Variants in BRINP3 observed in about 807,000 individuals in gnomAD.
BRINP3 encodes the protein BMP/retinoic acid inducible neural specific 3, also known as BMP/retinoic acid-inducible neural-specific protein 3.
BRINP3 carries 19 observed loss-of-function variants against 71.0 expected under a neutral mutation model. That is an observed-to-expected ratio of 0.27 (90% confidence interval 0.19 to 0.39). BRINP3 has a LOEUF of 0.39. Ranked by LOEUF, BRINP3 falls within the 10% of genes least tolerant of loss-of-function variation. The pLI, the probability that BRINP3 is intolerant of heterozygous loss-of-function variation, is 1.00. For missense variants in BRINP3, 959 were observed against 940.8 expected, an observed-to-expected ratio of 1.02 and a Z score of -0.25; for synonymous variants, 380 against 337.7, an observed-to-expected ratio of 1.13 and a Z score of -1.37.
chr1:190,223,989 G>GAA (rs1317645027), intron 6 of BRINP3, among the ~76,000 whole-genome samples: 4 of 151,420 alleles, frequency 2.6e-5, no homozygotes, highest in Non-Finnish European at 5.9e-5. Flanking sequence ...AAAAGTACAA[G>GAA]AAAACACACA....
At chr1:190,370,107 T>C (rs1669761730) in intron 2 of BRINP3, among the ~76,000 whole-genome samples, 1 of 152,172 alleles carries the variant, frequency 6.6e-6, no homozygotes, top group Non-Finnish European at 1.5e-5. Context: ...ACTGCAAGAA[T>C]GATTCTAAAT....
chr1:190,395,177 T>A (rs1671491182), intron 2 of BRINP3, among the ~76,000 whole-genome samples: 1 of 151,768 alleles, frequency 6.6e-6, no homozygotes, highest in Non-Finnish European at 1.5e-5. Flanking sequence ...ATCAGAAGCA[T>A]ATTTTGAATT....
chr1:190,197,690 C>A (rs778974354), intron 6 of BRINP3, among the ~76,000 whole-genome samples: 3 of 152,154 alleles, frequency 2.0e-5, no homozygotes, highest in South Asian at 2.1e-4. Flanking sequence ...TAGCCTTGGG[C>A]AGCTCCACCT....
chr1:190,441,143 GA>G (rs542437106), intron 2 of BRINP3, among the ~76,000 whole-genome samples: 16 of 147,848 alleles, frequency 1.1e-4, no homozygotes, highest in Middle Eastern at 3.6e-3. Context: ...AGAGAAGCTA[GA>G]AAAAAAAAAC....
intron 2 of BRINP3, among the ~76,000 whole-genome samples, chr1:190,284,705 A>G (rs1395728228): frequency 6.6e-6 from 1 of 151,982 alleles, no homozygotes; most frequent in East Asian, 1.9e-4. Flanking sequence ...TCACCTTCTA[A>G]TATTTCAAAT....
intron 6 of BRINP3, among the ~76,000 whole-genome samples, chr1:190,171,313 T>G (rs1230985980): frequency 6.6e-6 from 1 of 152,186 alleles, no homozygotes; most frequent in Non-Finnish European, 1.5e-5. Context: ...CAACATCTAA[T>G]GGAGAGAGAA....
At chr1:190,304,284 C>G (rs1664940662) in intron 2 of BRINP3, among the ~76,000 whole-genome samples, 1 of 151,674 alleles carries the variant, frequency 6.6e-6, no homozygotes, top group Admixed American at 6.6e-5. Flanking sequence ...ATAAACATAT[C>G]CCTAGGTAGC....
At chr1:190,415,849 G>A (rs1672974377) in intron 2 of BRINP3, among the ~76,000 whole-genome samples, 1 of 152,206 alleles carries the variant, frequency 6.6e-6, no homozygotes, top group African/African-American at 2.4e-5. Context: ...AATGCAGTGA[G>A]TGAACTATAA....
intron 2 of BRINP3, among the ~76,000 whole-genome samples, chr1:190,412,563 C>T (rs1672758278): frequency 1.4e-5 from 2 of 146,814 alleles, no homozygotes; most frequent in Non-Finnish European, 3.0e-5. Context: ...CCCGGGTTCA[C>T]GCCATTCTCC....
chr1:190,230,597 A>C (rs1217609485), intron 5 of BRINP3, among the ~76,000 whole-genome samples: 1 of 151,880 alleles, frequency 6.6e-6, no homozygotes, highest in Non-Finnish European at 1.5e-5. Flanking sequence ...TTGGTAACTA[A>C]TACATCTTTT....
intron 2 of BRINP3, among the ~76,000 whole-genome samples, chr1:190,401,708 A>C (rs1558253464): frequency 1.3e-5 from 2 of 151,984 alleles, no homozygotes; most frequent in Non-Finnish European, 2.9e-5. Flanking sequence ...GATTTCTGTT[A>C]ATTACTGTAA....
rs74769666 is a variant in BRINP3, at chr1:190,162,044, G to T, written c.962-1154C>A. ...TTCTGGCATCTTTACGGCATTGAAG[G>T]AATAGACTTTTATCTGAAAAAAGAA... On this transcript the variant is annotated intron_variant, in intron 6 of 7. Transcript: ENST00000367462. 5.7e-4 allele frequency among the ~76,000 whole-genome samples: 86 copies of T among 152,160 alleles called. 3 individuals are homozygous for T. The East Asian group carries it at 0.016, about 28-fold the overall frequency.
At chr1:190,322,070 C>T (rs898567861) in intron 2 of BRINP3, among the ~76,000 whole-genome samples, 1 of 151,628 alleles carries the variant, frequency 6.6e-6, no homozygotes, top group African/African-American at 2.4e-5. Context: ...GATTATTTCT[C>T]ATACATATAT....
chr1:190,423,050 G>C (rs1187611282), intron 2 of BRINP3, among the ~76,000 whole-genome samples: 2 of 151,746 alleles, frequency 1.3e-5, no homozygotes, highest in African/African-American at 4.8e-5. Context: ...CTTCTCAGTA[G>C]AAAATAAGGG....
At chr1:190,132,199 C>T (rs1236576222) in intron 7 of BRINP3, among the ~76,000 whole-genome samples, 2 of 152,020 alleles carry the variant, frequency 1.3e-5, no homozygotes, top group Non-Finnish European at 2.9e-5. Flanking sequence ...ACTCTTCTGC[C>T]TATAGCCTCC....
chr1:190,457,964 T>C (rs1367466949), intron 1 of BRINP3, among the ~76,000 whole-genome samples: 1 of 151,952 alleles, frequency 6.6e-6, no homozygotes, highest in African/African-American at 2.4e-5. Context: ...GCGTATAGCA[T>C]GATGTAATAT....
rs1673077348 is a variant in BRINP3 at position 190,417,386 on chromosome 1, G to A, written c.236+37269C>T. Among the ~76,000 whole-genome samples the A allele has an allele frequency of 2.6e-5, 4 of 152,004 alleles. No individual in the cohort carries two copies. The South Asian group carries it at 8.3e-4, about 31-fold the overall frequency. ...CTAATTTTACAGTAAATATTTGGCAGAATTCTTCTTGTATCGATCAATACA... is the reference window on the plus strand; with the variant it reads ...CTAATTTTACAGTAAATATTTGGCAAAATTCTTCTTGTATCGATCAATACA... On this transcript the variant is annotated intron_variant, in intron 2 of 7. Coordinates refer to ENST00000367462, the MANE Select transcript of BRINP3 (RefSeq NM_199051.3).
At chr1:190,145,879 G>T in intron 7 of BRINP3, among the ~76,000 whole-genome samples, 1 of 152,110 alleles carries the variant, frequency 6.6e-6, no homozygotes, top group East Asian at 1.9e-4. Context: ...ACCATAAAAA[G>T]GAATAGAATA....
intron 3 of BRINP3, 120 bp downstream of exon 3, chr1:190,281,440 A>G: frequency 1.1e-6 from 1 of 928,554 alleles, no homozygotes; most frequent in African/African-American, 1.7e-5. Context: ...TGGGTAAATG[A>G]ATGAATGAGT....
Sources: gnomAD v4.1 joint callset for allele counts (sites outside exome capture counted in the v4.1 genomes callset) on GRCh38, gnomAD v4.1.1 for gene constraint, MANE v1.5 for transcripts, NCBI Gene and HGNC (gene_info 2026-07-23, HGNC 2026-07-21) for gene names.